TRPM3: variants seen among roughly 807,000 people sequenced by gnomAD.
TRPM3 encodes the protein transient receptor potential cation channel subfamily M member 3.
TRPM3 carries 77 observed loss-of-function variants against 181.2 expected under a neutral mutation model. That is an observed-to-expected ratio of 0.42 (90% CI 0.35 to 0.51). The LOEUF (loss-of-function observed/expected upper bound fraction) is 0.51, where lower values mean the gene tolerates loss of function less well. Ranked by LOEUF, TRPM3 falls within the 20% of genes least tolerant of loss-of-function variation. The pLI, the probability that TRPM3 is intolerant of heterozygous loss-of-function variation, is 0.01. For missense variants in TRPM3, 1,759 were observed against 2,196.7 expected (o/e 0.80, Z 3.98); for synonymous variants, 745 against 796.4 (o/e 0.94, Z 1.09).
upstream of TRPM3, chr9:71,121,688 T>G: frequency 1.9e-6 from 2 of 1,058,866 alleles, no homozygotes; most frequent in Non-Finnish European, 2.3e-6. Context: ...ACCGGGGCCA[T>G]TGCTTTGCTA....
chr9:70,737,834 T>A (rs2073082424), intron 8 of TRPM3, among the ~76,000 whole-genome samples: 1 of 152,108 alleles, frequency 6.6e-6, no homozygotes, highest in Non-Finnish European at 1.5e-5. Context: ...CAATTCTAAA[T>A]ATATATGCAC....
At chr9:71,205,963 C>T (rs987664620) in intron 1 of TRPM3, among the ~76,000 whole-genome samples, 2 of 152,104 alleles carry the variant, frequency 1.3e-5, no homozygotes, top group Non-Finnish European at 2.9e-5. Flanking sequence ...TCTGAAAACA[C>T]TCTTTAAAAA....
chr9:70,643,760 C>G (rs377619034), intron 9 of TRPM3, among the ~76,000 whole-genome samples: 4 of 152,316 alleles, frequency 2.6e-5, no homozygotes, highest in African/African-American at 9.6e-5. Flanking sequence ...TGGGGCACAG[C>G]CCCACAGATT....
intron 1 of TRPM3, among the ~76,000 whole-genome samples, chr9:70,996,206 C>T (rs1800193179): frequency 6.6e-6 from 1 of 152,070 alleles, no homozygotes; most frequent in Non-Finnish European, 1.5e-5. Context: ...TTTATAGAAC[C>T]AGAATTCTGC....
At chr9:70,635,895 T>C (rs910547984) in intron 11 of TRPM3, among the ~76,000 whole-genome samples, 3 of 152,138 alleles carry the variant, frequency 2.0e-5, no homozygotes, top group African/African-American at 7.2e-5. Context: ...CAAAATATGA[T>C]GGAAGAAGCC....
At chr9:71,260,889 G>A (rs945608134) in intron 1 of TRPM3, among the ~76,000 whole-genome samples, 1 of 151,938 alleles carries the variant, frequency 6.6e-6, no homozygotes, top group Admixed American at 6.6e-5. Context: ...TCTTGCCTGA[G>A]TGTCCTTTGT....
chr9:70,698,757 G>A (rs927679842), intron 8 of TRPM3, among the ~76,000 whole-genome samples: 1 of 151,896 alleles, frequency 6.6e-6, no homozygotes, highest in African/African-American at 2.4e-5. Context: ...TGTATAGTGA[G>A]TGAGTTCTCA....
At chr9:70,851,372 C>T (rs1019236031) in intron 3 of TRPM3, among the ~76,000 whole-genome samples, 6 of 152,134 alleles carry the variant, frequency 3.9e-5, no homozygotes, top group Non-Finnish European at 7.4e-5. Flanking sequence ...GTAATAATTT[C>T]AGCAAGCTTA....
chr9:70,966,123 T>A (rs3010430), intron 1 of TRPM3, among the ~76,000 whole-genome samples: 1 of 151,570 alleles, frequency 6.6e-6, no homozygotes. Context: ...GACATACATG[T>A]GGCCAACAAG....
intron 1 of TRPM3, among the ~76,000 whole-genome samples, chr9:71,377,325 C>T (rs1295636443): frequency 6.6e-6 from 1 of 151,984 alleles, no homozygotes; most frequent in African/African-American, 2.4e-5. Context: ...TATTAACCAC[C>T]ATCCAAACAC....
At chr9:71,024,741 A>G (rs2134563247) in intron 1 of TRPM3, among the ~76,000 whole-genome samples, 1 of 152,366 alleles carries the variant, frequency 6.6e-6, no homozygotes, top group East Asian at 1.9e-4. Flanking sequence ...GTCTTAGCCA[A>G]CTGTATTATC....
chr9:70,891,020 G>C (rs903619407), intron 1 of TRPM3, among the ~76,000 whole-genome samples: 2 of 151,912 alleles, frequency 1.3e-5, no homozygotes, highest in African/African-American at 4.8e-5. Context: ...GGGGCCTGTC[G>C]TGGGGTGGGG....
rs138718078 is a variant in TRPM3, at chr9:71,413,963, T to C, written c.183+32690A>G. Among the ~76,000 whole-genome samples, 86 of 152,180 alleles carry C rather than the reference T, an allele frequency of 5.7e-4. 1 individual carries two copies. The highest frequency in any genetic ancestry group is 2.0e-3 in the African/African-American group (81 of 41,532). On this transcript the variant is annotated intron_variant, in intron 1 of 24. Transcript: ENST00000357533. ...ATCTCCTCACTGGTTTATACCACAG[T>C]TATTGACATTAATCTAAAAATGGCT...
chr9:71,068,504 A>G (rs901860570), intron 1 of TRPM3, among the ~76,000 whole-genome samples: 14 of 152,148 alleles, frequency 9.2e-5, no homozygotes, highest in African/African-American at 3.4e-4. Context: ...ACCAAACATG[A>G]TGTCCTACAC....
intron 6 of TRPM3, among the ~76,000 whole-genome samples, chr9:70,805,237 T>G (rs140339615): frequency 7.8e-4 from 62 of 79,080 alleles, no homozygotes; most frequent in South Asian, 1.4e-3. Flanking sequence ...GGGGAGGTGG[T>G]GGTGGGGGGA....
intron 1 of TRPM3, among the ~76,000 whole-genome samples, chr9:70,924,035 A>T (rs2133324245): frequency 6.6e-6 from 1 of 151,908 alleles, no homozygotes; most frequent in South Asian, 2.1e-4. Context: ...TTCCTTTAGA[A>T]CATTGGTTCT....
chr9:70,929,468 CT>C (rs1418684002), intron 1 of TRPM3, among the ~76,000 whole-genome samples: 1 of 152,140 alleles, frequency 6.6e-6, no homozygotes, highest in African/African-American at 2.4e-5. Flanking sequence ...TCCCAAAGTG[CT>C]GGGATTACAG....
At chr9:70,962,407 C>G (rs566767902) in intron 1 of TRPM3, among the ~76,000 whole-genome samples, 22 of 152,234 alleles carry the variant, frequency 1.4e-4, no homozygotes, top group Admixed American at 1.4e-3. Context: ...AATCAACTGC[C>G]TAAATGGAAA....
chr9:71,392,704 A>T (rs780035448), intron 1 of TRPM3, among the ~76,000 whole-genome samples: 1 of 152,054 alleles, frequency 6.6e-6, no homozygotes, highest in Non-Finnish European at 1.5e-5. Context: ...TCTATATAGC[A>T]CTATAGTTAA....
Sources: allele counts gnomAD v4.1 joint callset (sites outside exome capture counted in the v4.1 genomes callset), GRCh38; gene constraint gnomAD v4.1.1; transcripts MANE v1.5; gene names NCBI Gene and HGNC (gene_info 2026-07-23, HGNC 2026-07-21).